The following NALF1 variants were observed in gnomAD, a reference collection of about 807,000 sequenced individuals.
NALF1 encodes the protein NALCN channel auxiliary factor 1.
Under a neutral mutation model 48.4 loss-of-function variants are expected in NALF1, and 3 were observed. The ratio of observed to expected loss-of-function variants is 0.06; its 90% CI spans 0.03 to 0.16. The LOEUF is 0.16. NALF1 is among the 10% of genes least tolerant of loss of function. The pLI is 1.00. For missense variants in NALF1, 526 were observed against 571.5 expected, an observed-to-expected ratio of 0.92 and a Z score of 0.81; for synonymous variants, 262 against 245.7, an observed-to-expected ratio of 1.07 and a Z score of -0.62.
intron 1 of NALF1, among the ~76,000 whole-genome samples, chr13:107,263,743 T>C (rs1386853541): frequency 1.3e-5 from 2 of 152,170 alleles, no homozygotes; most frequent in Admixed American, 1.3e-4. Context: ...TTTTCCTTTA[T>C]AAATTACCCA....
At chr13:107,608,776 A>G (rs1594157901) in intron 1 of NALF1, among the ~76,000 whole-genome samples, 1 of 152,244 alleles carries the variant, frequency 6.6e-6, no homozygotes, top group African/African-American at 2.4e-5. Context: ...CTACTTCGCC[A>G]GTGAAGGAAG....
chr13:107,195,173 C>T (rs576246419), intron 2 of NALF1, among the ~76,000 whole-genome samples: 14 of 152,080 alleles, frequency 9.2e-5, no homozygotes, highest in Non-Finnish European at 1.9e-4. Context: ...CCTTAAAGAA[C>T]TAAAAGTAGA....
intron 1 of NALF1, among the ~76,000 whole-genome samples, chr13:107,573,734 T>G (rs940884854): frequency 6.6e-6 from 1 of 152,130 alleles, no homozygotes; most frequent in African/African-American, 2.4e-5. Flanking sequence ...GTCTTTCCTA[T>G]GCTGTAATCA....
chr13:107,866,455 A>T lies in NALF1; in HGVS notation c.142T>A (p.Phe48Ile). The T allele has an allele frequency of 6.2e-7, 1 of 1,614,150 alleles. No homozygotes were observed. The highest frequency in any genetic ancestry group is 8.5e-7 in the Non-Finnish European group (1 of 1,180,026). ...AAGTGATCAGAGAGCAGGACTGTGA[A>T]AAACAAGAGAGATGCCAGAGACAGT... is the stretch of plus-strand genomic sequence containing the variant. ...WRLSLASLLF[F>I]TVLLSDHLWF... Residue 48 changes from phenylalanine to isoleucine, a missense_variant, in exon 1 of 3, where the codon TTC (phenylalanine) becomes ATC (isoleucine). Phe to Ile is a conservative substitution (Grantham distance 21, BLOSUM62 0). This residue lies in a region of NALF1 where 373 missense variants were observed against 355.5 expected (regional missense o/e 1.05). Transcript: ENST00000375915. The surrounding 1 kb of genome is among the most constrained non-coding windows in gnomAD (Gnocchi z 4.4).
intron 1 of NALF1, among the ~76,000 whole-genome samples, chr13:107,518,049 A>G (rs1876119417): frequency 6.6e-6 from 1 of 152,206 alleles, no homozygotes; most frequent in Admixed American, 6.5e-5. Flanking sequence ...CCTGCACAGA[A>G]TAGAGAATGA....
At chr13:107,505,354 T>C (rs1263876893) in intron 1 of NALF1, among the ~76,000 whole-genome samples, 1 of 151,920 alleles carries the variant, frequency 6.6e-6, no homozygotes, top group African/African-American at 2.4e-5. Context: ...TTATTCCAAG[T>C]GTGAAGGGAA....
intron 1 of NALF1, among the ~76,000 whole-genome samples, chr13:107,221,788 C>T (rs1879999435): frequency 6.6e-6 from 1 of 152,094 alleles, no homozygotes; most frequent in Non-Finnish European, 1.5e-5. Flanking sequence ...TTTTACCCTA[C>T]ACCCCGCCAC....
chr13:107,797,299 G>C (rs1052575222), intron 1 of NALF1, among the ~76,000 whole-genome samples: 2 of 152,060 alleles, frequency 1.3e-5, no homozygotes, highest in Admixed American at 1.3e-4. Context: ...TCTGCTTCCC[G>C]GGTTCATGCC....
intron 1 of NALF1, among the ~76,000 whole-genome samples, chr13:107,768,545 A>T (rs1877481774): frequency 6.6e-6 from 1 of 152,206 alleles, no homozygotes; most frequent in Non-Finnish European, 1.5e-5. Flanking sequence ...AAAAGCGTTT[A>T]TAAAGAACAG....
intron 2 of NALF1, among the ~76,000 whole-genome samples, chr13:107,184,803 A>G (rs1879138410): frequency 6.6e-6 from 1 of 152,162 alleles, no homozygotes; most frequent in Non-Finnish European, 1.5e-5. Flanking sequence ...TATGTCAAGT[A>G]TATTTTATTA....
intron 1 of NALF1, among the ~76,000 whole-genome samples, chr13:107,283,809 G>A (rs1460180831): frequency 2.0e-5 from 3 of 151,750 alleles, no homozygotes; most frequent in Admixed American, 6.6e-5. Context: ...ACAGGCGCCC[G>A]CCACTATGCC....
At chr13:107,365,914 G>C (rs537081202) in intron 1 of NALF1, among the ~76,000 whole-genome samples, 1 of 152,286 alleles carries the variant, frequency 6.6e-6, no homozygotes, top group African/African-American at 2.4e-5. Flanking sequence ...TGCTGTTTTA[G>C]GTTAGAATCC....
intron 1 of NALF1, among the ~76,000 whole-genome samples, chr13:107,663,426 T>G (rs1594192053): frequency 6.6e-6 from 1 of 152,278 alleles, no homozygotes; most frequent in South Asian, 2.1e-4. Context: ...AACACACAGT[T>G]AAGGCCTCTT....
At chr13:107,637,394 C>T (rs1052440934) in intron 1 of NALF1, among the ~76,000 whole-genome samples, 4 of 152,112 alleles carry the variant, frequency 2.6e-5, no homozygotes, top group Admixed American at 6.6e-5. Context: ...CAAACCACAA[C>T]ATAAATCTAC....
At chr13:107,712,443 A>G (rs1252444625) in intron 1 of NALF1, among the ~76,000 whole-genome samples, 1 of 152,192 alleles carries the variant, frequency 6.6e-6, no homozygotes, top group African/African-American at 2.4e-5. Context: ...AATAAACACA[A>G]ACTGAATTTT....
chr13:107,408,935 T>TAAA, intron 1 of NALF1, among the ~76,000 whole-genome samples: 1 of 152,320 alleles, frequency 6.6e-6, no homozygotes, highest in African/African-American at 2.4e-5. Context: ...ATGTACCAAC[T>TAAA]ATTTATAGAA....
intron 1 of NALF1, among the ~76,000 whole-genome samples, chr13:107,490,443 T>C (rs925515488): frequency 3.3e-5 from 5 of 152,146 alleles, no homozygotes; most frequent in Admixed American, 3.3e-4. Flanking sequence ...GCCATTATCC[T>C]AGCAAACTAA....
intron 1 of NALF1, among the ~76,000 whole-genome samples, chr13:107,301,870 C>T (rs1445816001): frequency 6.6e-6 from 1 of 152,056 alleles, no homozygotes. Flanking sequence ...AGAGATCAAC[C>T]CTACAGCCAA....
At chr13:107,814,589 G>C (rs903716865) in intron 1 of NALF1, among the ~76,000 whole-genome samples, 1 of 152,256 alleles carries the variant, frequency 6.6e-6, no homozygotes, top group East Asian at 1.9e-4. Context: ...TAGAGATAAA[G>C]AGGGATACTT....
Sources: gnomAD v4.1 joint callset for allele counts (sites outside exome capture counted in the v4.1 genomes callset) on GRCh38, gnomAD v4.1.1 for gene constraint, gnomAD v4.1.1 regional missense constraint, Gnocchi (gnomAD v3.1) non-coding constraint, MANE v1.5 for transcripts, NCBI Gene and HGNC (gene_info 2026-07-23, HGNC 2026-07-21) for gene names.